TRIM60: variants seen among roughly 807,000 people sequenced by gnomAD.
TRIM60 encodes the protein tripartite motif-containing protein 60.
For synonymous variants in TRIM60, 189 were observed against 195.2 expected (o/e 0.97, Z 0.27); for missense variants, 524 against 540.8 (o/e 0.97, Z 0.31).
intron 1 of TRIM60, among the ~76,000 whole-genome samples, chr4:165,036,427 G>C (rs147537482): frequency 6.6e-6 from 1 of 151,982 alleles, no homozygotes; most frequent in Non-Finnish European, 1.5e-5. Context: ...GTTTTTTTAA[G>C]TTTAAAAAAT....
At chr4:165,037,490 G>C (rs911233416) in intron 1 of TRIM60, among the ~76,000 whole-genome samples, 15 of 151,008 alleles carry the variant, frequency 9.9e-5, no homozygotes, top group African/African-American at 3.7e-4. Context: ...TGCCCAGCTA[G>C]TTTTTATATT....
At chr4:165,035,352 C>A (rs1304432719) in intron 1 of TRIM60, among the ~76,000 whole-genome samples, 3 of 152,112 alleles carry the variant, frequency 2.0e-5, no homozygotes, top group Non-Finnish European at 2.9e-5. Context: ...ATGCGAACCA[C>A]CGTGCCTGGC....
chr4:165,037,238 G>A (rs373722307), intron 1 of TRIM60, among the ~76,000 whole-genome samples: 17 of 152,258 alleles, frequency 1.1e-4, no homozygotes, highest in African/African-American at 2.6e-4. Flanking sequence ...AACGGATAGC[G>A]TGCTTAGTGA....
intron 1 of TRIM60, among the ~76,000 whole-genome samples, chr4:165,038,462 G>C (rs1579181022): frequency 6.6e-6 from 1 of 152,014 alleles, no homozygotes; most frequent in Non-Finnish European, 1.5e-5. Flanking sequence ...GCCAAGGTGG[G>C]AGGATTGTTC....
rs770216735 is a variant in TRIM60 at position 165,040,594 on chromosome 4, G to T, written c.522G>T (p.Lys174Asn). 6.2e-7 allele frequency: 1 copy of T among 1,614,150 alleles called. No homozygotes were observed. Among genetic ancestry groups the T allele is most frequent in the South Asian group, 1.1e-5 (1 of 91,084 alleles). Residue 174 changes from lysine (K) to asparagine (N), a missense_variant, in exon 3 of 3, where the codon AAG (lysine) becomes AAT (asparagine). Physicochemically the swap from Lys to Asn is moderately conservative, Grantham distance 94. Transcript: ENST00000512596. ...GCAGCAAATCAGTGGAGCTGAAAAA[G>T]AAGGTAGAATATAAGAGGGAAGAAA... ...LQGSKSVELK[K>N]KVEYKREEIN...
chr4:165,032,581 C>T (rs1733529974), intron 1 of TRIM60, among the ~76,000 whole-genome samples: 1 of 152,096 alleles, frequency 6.6e-6, no homozygotes, highest in Non-Finnish European at 1.5e-5. Context: ...GCAGTGGGAC[C>T]CCGATGATTG....
intron 1 of TRIM60, among the ~76,000 whole-genome samples, chr4:165,035,024 A>G (rs1470798519): frequency 6.6e-6 from 1 of 152,202 alleles, no homozygotes; most frequent in Non-Finnish European, 1.5e-5. Context: ...AGGTTTGGTG[A>G]TTTGCTAAAA....
At chr4:165,035,711 T>G (rs1733606762) in intron 1 of TRIM60, among the ~76,000 whole-genome samples, 1 of 151,072 alleles carries the variant, frequency 6.6e-6, no homozygotes, top group Non-Finnish European at 1.5e-5. Context: ...AAGCCACTCT[T>G]TTTTCTTTTT....
Position 165,041,125 on chromosome 4 carries a change from C to A in TRIM60, c.1053C>A (p.Tyr351Ter). Reference protein sequence around the residue: ...GSQRFSSGRHYWEVEVGNKPK... With the variant: ...GSQRFSSGRH ...AGAGATTTAGTTCTGGCCGACATTA[C>A]TGGGAAGTAGAAGTGGGAAACAAAC... Residue 351 changes from tyrosine (Y) to a stop codon, truncating the protein, a stop_gained, in exon 3 of 3, where the codon TAC becomes TAA. Transcript: ENST00000512596. LOFTEE classifies it low-confidence loss of function (END_TRUNC). 6.2e-7 allele frequency: 1 copy of A among 1,614,190 alleles called. No homozygotes were observed. The highest frequency in any genetic ancestry group is 8.5e-7 in the Non-Finnish European group (1 of 1,180,020).
chr4:165,032,994 G>A (rs943551025), intron 1 of TRIM60, among the ~76,000 whole-genome samples: 1 of 150,370 alleles, frequency 6.7e-6, no homozygotes, highest in African/African-American at 2.5e-5. Context: ...TCACGCTCGT[G>A]CCTGGGCAAC....
chr4:165,038,508 C>T (rs1213378161), intron 1 of TRIM60, among the ~76,000 whole-genome samples: 1 of 151,798 alleles, frequency 6.6e-6, no homozygotes, highest in Non-Finnish European at 1.5e-5. Context: ...CCCATCTCTA[C>T]AAAATATTTT....
intron 1 of TRIM60, among the ~76,000 whole-genome samples, chr4:165,037,110 A>C (rs1196589835): frequency 6.8e-6 from 1 of 147,500 alleles, no homozygotes; most frequent in East Asian, 2.2e-4. Flanking sequence ...CTGAGTCAGG[A>C]GAATCGCTTG....
Position 165,041,413 on chromosome 4 carries a change from C to T in TRIM60, c.1341C>T (p.Ala447=), listed in dbSNP as rs529625509. The T allele has an allele frequency of 3.1e-6, 5 of 1,612,206 alleles. No homozygotes were observed. The highest frequency in any genetic ancestry group is 2.2e-5 in the East Asian group (1 of 44,870). Residue 447 remains alanine, a synonymous_variant, in exon 3 of 3, where the codon GCC becomes GCT. Transcript: ENST00000512596. ...CTTTTAACGATTGTTTCACAGAAGCCGTTTGGCCTTATTTCTATACTGGAA... is the reference window on the plus strand; with the variant it reads ...CTTTTAACGATTGTTTCACAGAAGCTGTTTGGCCTTATTTCTATACTGGAA... ...LYTFNDCFTE[A]VWPYFYTGTD... is the part of the protein sequence containing the mutation.
chr4:165,041,687 A>G lies in TRIM60; in HGVS notation c.*199A>G. 2 of 404,406 alleles carry G rather than the reference A, an allele frequency of 4.9e-6. No homozygotes were observed. Among genetic ancestry groups the G allele is most frequent in the Non-Finnish European group, 9.1e-6 (2 of 220,946 alleles). 25.1% of individuals were successfully genotyped at this position (404,406 alleles called of 1,614,324 possible). ...ATTGTCAGGTGCTTTGATTTCTAAG[A>G]TAAAATATTTTAGAATTATGTTACT... On this transcript the variant is annotated 3_prime_UTR_variant, in exon 3 of 3. Coordinates refer to ENST00000512596, the MANE Select transcript of TRIM60 (RefSeq NM_152620.3).
In TRIM60 at chr4:165,041,388, C is replaced by A; in HGVS notation, c.1316C>A (p.Thr439Asn). Residue 439 changes from threonine (T) to asparagine (N), a missense_variant, in exon 3 of 3, where the codon ACT (threonine) becomes AAT (asparagine). Coordinates refer to ENST00000512596, the MANE Select transcript of TRIM60 (RefSeq NM_152620.3). ...YNMNDRSILYTFNDCFTEAVW... is the reference protein window; with the variant it reads ...YNMNDRSILYNFNDCFTEAVW... ...ATGAATGATAGGTCTATTCTCTATA[C>A]TTTTAACGATTGTTTCACAGAAGCC... 6.2e-7 allele frequency: 1 copy of A among 1,613,630 alleles called. No homozygotes were observed. Among genetic ancestry groups the A allele is most frequent in the African/African-American group, 1.3e-5 (1 of 74,966 alleles).
In TRIM60 at chr4:165,041,496, G is replaced by A; in HGVS notation, c.*8G>A. 6.6e-7 allele frequency: 1 copy of A among 1,506,274 alleles called. No homozygotes were observed. Among genetic ancestry groups the A allele is most frequent in the Non-Finnish European group, 8.9e-7 (1 of 1,125,634 alleles). The allele number at this position is 1,506,274 out of a possible 1,614,324, so 93.3% of individuals were successfully genotyped here. On this transcript the variant is annotated 3_prime_UTR_variant, in exon 3 of 3. Transcript: ENST00000512596. The stretch of plus-strand genomic sequence containing the variant: ...TCAGATTCTGAAAGATAAGGAACTG[G>A]TAAATGGGTCTGTTTCAGTTTTTGT...
intron 1 of TRIM60, among the ~76,000 whole-genome samples, chr4:165,037,169 C>G (rs1182532709): frequency 6.6e-6 from 1 of 151,926 alleles, no homozygotes; most frequent in Non-Finnish European, 1.5e-5. Context: ...CCATTGCACT[C>G]CAGCCTGGGC....
intron 2 of TRIM60, chr4:165,039,498 C>T (rs1238736612): frequency 1.3e-5 from 2 of 152,782 alleles, no homozygotes; most frequent in Non-Finnish European, 2.9e-5. Flanking sequence ...AATCATTACA[C>T]TTAGATTCAG....
intron 1 of TRIM60, among the ~76,000 whole-genome samples, chr4:165,036,551 G>T (rs528341032): frequency 1.3e-5 from 2 of 152,280 alleles, no homozygotes; most frequent in East Asian, 3.9e-4. Context: ...TCAAGGCTAT[G>T]CACTAATGTG....
Sources: gnomAD v4.1 joint callset for allele counts (sites outside exome capture counted in the v4.1 genomes callset) on GRCh38, gnomAD v4.1.1 for gene constraint, MANE v1.5 for transcripts, NCBI Gene and HGNC (gene_info 2026-07-23, HGNC 2026-07-21) for gene names.